Variants in DOCK6 observed in about 807,000 individuals in gnomAD.
DOCK6 encodes dedicator of cytokinesis 6, also known as dedicator of cytokinesis protein 6.
Under a neutral mutation model 230.3 loss-of-function variants are expected in DOCK6, and 167 were observed. The ratio of observed to expected loss-of-function variants is 0.73; its 90% CI spans 0.64 to 0.82. DOCK6 has a LOEUF of 0.82. Among genes scored for constraint, DOCK6 ranks in the 40% least tolerant of loss-of-function variants. The pLI is 0.00. For missense variants in DOCK6, 2,598 were observed against 2,825.8 expected, an observed-to-expected ratio of 0.92 and a Z score of 1.83; for synonymous variants, 1,148 against 1,185.0, an observed-to-expected ratio of 0.97 and a Z score of 0.64.
intron 24 of DOCK6, among the ~76,000 whole-genome samples, chr19:11,224,359 C>T (rs1440392989): frequency 6.6e-6 from 1 of 151,740 alleles, no homozygotes; most frequent in East Asian, 2.0e-4. Context: ...TACAGGTGCG[C>T]ACCACCACAC....
chr19:11,204,335 A>C lies in DOCK6; in HGVS notation c.5089-4T>G. On this transcript the variant is annotated splice_polypyrimidine_tract_variant and splice_region_variant and intron_variant, in intron 39 of 47. Transcript: ENST00000294618. The stretch of plus-strand genomic sequence containing the variant: ...TCACCGCCTCGTAGAGCCCGCCCTG[A>C]GGGTGAGGTGGGGTCAGGATTCCCC... The C allele has an allele frequency of 6.2e-7, 1 of 1,610,780 alleles. No individual in the cohort carries two copies. The highest frequency in any genetic ancestry group is 1.3e-5 in the African/African-American group (1 of 74,840).
rs542270866 is a variant in DOCK6 at position 11,215,474 on chromosome 19, G to C, written c.4022-3C>G. On this transcript the variant is annotated splice_region_variant and splice_polypyrimidine_tract_variant and intron_variant, in intron 31 of 47. Transcript: ENST00000294618. ...CGGATTCCCAAACGGGCTCCTCTCT[G>C]AGACGCGTGGGTGCACGATCACAGA... The C allele has an allele frequency of 3.5e-5, 56 of 1,611,270 alleles. No individual in the cohort carries two copies. In the African/African-American group the frequency reaches 7.2e-4, roughly 21 times the overall value.
chr19:11,251,124 G>T (rs2080111949), intron 5 of DOCK6, 38 bp from the exon 6 acceptor site: 1 of 1,562,248 alleles, frequency 6.4e-7, no homozygotes, highest in Admixed American at 1.8e-5. Context: ...AGTGCCAGCT[G>T]TATACACCTT....
In DOCK6 at chr19:11,237,447, G is replaced by C; in HGVS notation, c.2073+9C>G. On this transcript the variant is annotated intron_variant, in intron 18 of 47. Transcript: ENST00000294618. ...GTGCATTGGCAGGCAGGAGCTCCAG[G>C]GCACATACATCGGGTGTGAGCACGG... The C allele has an allele frequency of 6.2e-7, 1 of 1,613,400 alleles. No individual in the cohort carries two copies. The highest frequency in any genetic ancestry group is 8.5e-7 in the Non-Finnish European group (1 of 1,179,764).
intron 7 of DOCK6, 95 bp from the exon 8 acceptor site, chr19:11,245,973 C>T: frequency 7.0e-7 from 1 of 1,420,082 alleles, no homozygotes; most frequent in South Asian, 1.3e-5. Flanking sequence ...GGGCATCTGA[C>T]TCCCACTGGG....
chr19:11,231,377 C>T (rs2079764174), intron 22 of DOCK6, among the ~76,000 whole-genome samples: 2 of 151,902 alleles, frequency 1.3e-5, no homozygotes, highest in South Asian at 4.2e-4. Context: ...CCCAAGACCA[C>T]CCAGAGGGAA....
At chr19:11,262,163 A>C (rs1206291504) in intron 1 of DOCK6, among the ~76,000 whole-genome samples, 2 of 151,914 alleles carry the variant, frequency 1.3e-5, no homozygotes, top group Non-Finnish European at 2.9e-5. Flanking sequence ...GCAGAACGGC[A>C]GCCGCCATCG....
At chr19:11,212,185 A>G in intron 35 of DOCK6, 34 bp from the exon 36 acceptor site, 1 of 1,592,252 alleles carries the variant, frequency 6.3e-7, no homozygotes, top group South Asian at 1.1e-5. Flanking sequence ...TGGAGCCGGG[A>G]GTCTCAGACC....
At chr19:11,260,689 C>A (rs2080270343) in intron 1 of DOCK6, among the ~76,000 whole-genome samples, 1 of 151,158 alleles carries the variant, frequency 6.6e-6, no homozygotes, top group Non-Finnish European at 1.5e-5. Context: ...TCGTGACCAG[C>A]CTGGTCAACA....
rs2079600691 is a variant in DOCK6, at chr19:11,222,783, C to T, written c.3192G>A (p.Leu1064=). The change falls in exon 26 of 48, where the codon CTG becomes CTA. Residue 1064 remains leucine (L), a synonymous_variant. Transcript: ENST00000294618. This position sits in a 1 kb window ranked among gnomAD's most constrained non-coding sequence, Gnocchi z 4.0. ...YVTLNLPCCP[L]SPPASPSPSV... is the part of the protein sequence containing the mutation. ...AGGGGGAGGGCGAGGCTGGAGGTGA[C>T]AGGGGGCAGCAGGGGAGGTTGAGGG... The T allele has an allele frequency of 1.3e-6, 2 of 1,584,108 alleles. No homozygotes were observed. Among genetic ancestry groups the T allele is most frequent in the Non-Finnish European group, 1.7e-6 (2 of 1,165,596 alleles).
At chr19:11,241,661 C>T in intron 14 of DOCK6, 1 of 1,579,568 alleles carries the variant, frequency 6.3e-7, no homozygotes, top group Non-Finnish European at 8.6e-7. Context: ...CCTCCCCAGA[C>T]TCCACACAGC....
intron 1 of DOCK6, among the ~76,000 whole-genome samples, chr19:11,257,729 C>G (rs2147892730): frequency 6.6e-6 from 1 of 151,756 alleles, no homozygotes; most frequent in Admixed American, 6.6e-5. Flanking sequence ...GTGGAGGTTG[C>G]AGTGAGCCGA....
chr19:11,222,005 G>C lies in DOCK6; in HGVS notation c.3396C>G (p.His1132Gln). The change falls in exon 28 of 48, where the codon CAC becomes CAG. Residue 1132 changes from histidine (H) to glutamine (Q), a missense_variant. By Grantham distance (24) the His-to-Gln change is conservative. Coordinates refer to ENST00000294618, the MANE Select transcript of DOCK6 (RefSeq NM_020812.4). This position sits in a 1 kb window ranked among gnomAD's most constrained non-coding sequence, Gnocchi z 4.0. ...EPEAEGAFLL[H>Q]KKAISAVHSL... Reference sequence around the variant, plus strand: ...TGTGCACAGCACTGATGGCCTTCTTGTGCAACAGGAATGCCCTATGGGGTA... The same window carrying C: ...TGTGCACAGCACTGATGGCCTTCTTCTGCAACAGGAATGCCCTATGGGGTA... 1.2e-6 allele frequency: 2 copies of C among 1,611,410 alleles called. No homozygotes were observed. The highest frequency in any genetic ancestry group is 1.1e-5 in the South Asian group (1 of 91,054).
At chr19:11,233,524 T>C (rs1345457764) in intron 21 of DOCK6, among the ~76,000 whole-genome samples, 158 bp from the exon 22 acceptor site, 15 of 152,072 alleles carry the variant, frequency 9.9e-5, no homozygotes, top group African/African-American at 3.1e-4. Flanking sequence ...CTCACAGAGA[T>C]TGGGGGGGCA....
intron 21 of DOCK6, among the ~76,000 whole-genome samples, chr19:11,234,278 G>A (rs1224596691): frequency 6.6e-6 from 1 of 151,648 alleles, no homozygotes; most frequent in Non-Finnish European, 1.5e-5. Context: ...GATTACAGGC[G>A]TGAGCCACTG....
At chr19:11,241,647 T>A in intron 14 of DOCK6, 1 of 1,573,246 alleles carries the variant, frequency 6.4e-7, no homozygotes, top group Non-Finnish European at 8.6e-7. Flanking sequence ...CTGAGCCACA[T>A]CTCCCTCCCC....
chr19:11,248,908 T>C (rs1460869419), intron 6 of DOCK6, among the ~76,000 whole-genome samples: 1 of 152,114 alleles, frequency 6.6e-6, no homozygotes, highest in African/African-American at 2.4e-5. Flanking sequence ...CATAAGCATA[T>C]ACAGAAAGCA....
Position 11,202,843 on chromosome 19 carries a change from G to A in DOCK6, c.5236-134C>T, listed in dbSNP as rs2079194083. 7.0e-7 allele frequency: 1 copy of A among 1,423,234 alleles called. No individual in the cohort carries two copies. Among genetic ancestry groups the A allele is most frequent in the East Asian group, 2.3e-5 (1 of 43,780 alleles). 88.2% of individuals were successfully genotyped at this position (1,423,234 alleles called of 1,614,324 possible). A position where few individuals can be genotyped will look rare whatever the true frequency, so the allele number is the denominator to read the frequency against. ...AACATCAGGGCATGGGCACAGGCAG[G>A]GGGCCCTGAGAACATTGGGGCATGG... On this transcript the variant is annotated intron_variant, in intron 41 of 47. Coordinates refer to ENST00000294618, the MANE Select transcript of DOCK6 (RefSeq NM_020812.4). This position sits in a 1 kb window ranked among gnomAD's most constrained non-coding sequence, Gnocchi z 5.3.
intron 14 of DOCK6, chr19:11,240,444 T>G: frequency 1.3e-6 from 1 of 799,410 alleles, no homozygotes; most frequent in Non-Finnish European, 1.9e-6. Flanking sequence ...CTCAAGTCCT[T>G]TTGTGTGCCT....
Sources: gnomAD v4.1 joint callset for allele counts (sites outside exome capture counted in the v4.1 genomes callset) on GRCh38, gnomAD v4.1.1 for gene constraint, Gnocchi (gnomAD v3.1) non-coding constraint, MANE v1.5 for transcripts, NCBI Gene and HGNC (gene_info 2026-07-23, HGNC 2026-07-21) for gene names.